The following TRIM71 variants were observed in gnomAD, a reference collection of about 807,000 sequenced individuals.
The protein encoded by TRIM71 is E3 ubiquitin-protein ligase TRIM71.
TRIM71 carries 9 observed loss-of-function variants against 61.2 expected under a neutral mutation model. That is an observed-to-expected ratio of 0.15 (90% confidence interval 0.09 to 0.26). The LOEUF is 0.26. TRIM71 is among the 10% of genes least tolerant of loss of function. The probability of loss-of-function intolerance (pLI) is 1.00; values close to 1 mark genes in which losing one functional copy is unlikely to be tolerated. For synonymous variants in TRIM71, 645 were observed against 553.2 expected (o/e 1.17, Z -2.33); for missense variants, 998 against 1,238.7 (o/e 0.81, Z 2.92).
intron 1 of TRIM71, among the ~76,000 whole-genome samples, chr3:32,859,321 G>A (rs1456424596): frequency 5.3e-5 from 8 of 152,152 alleles, no homozygotes; most frequent in Admixed American, 3.9e-4. Context: ...GTGCAGTGGC[G>A]TGATGTCGGC....
At position 32,818,004 on chromosome 3, in the gene TRIM71, C is replaced by T; in HGVS notation, c.-77C>T. On this transcript the variant is annotated 5_prime_UTR_variant, in exon 1 of 4. Transcript: ENST00000383763. ...TTTCTGAGTGAGTCGGTGACTCCCC[C>T]ACCCACCTCGTCCGCTCTCTCCTCC... The T allele has an allele frequency of 7.2e-7, 1 of 1,385,246 alleles. No homozygotes were observed. The allele number at this position is 1,385,246 out of a possible 1,614,324, so 85.8% of individuals were successfully genotyped here.
At chr3:32,852,854 C>T (rs890690359) in intron 1 of TRIM71, among the ~76,000 whole-genome samples, 2 of 151,428 alleles carry the variant, frequency 1.3e-5, no homozygotes, top group East Asian at 1.9e-4. Flanking sequence ...TTTAGGAACA[C>T]GAAGAGAATA....
chr3:32,835,927 A>T (rs1696329593), intron 1 of TRIM71, among the ~76,000 whole-genome samples: 1 of 152,206 alleles, frequency 6.6e-6, no homozygotes, highest in Non-Finnish European at 1.5e-5. Flanking sequence ...AGTCTTAAAA[A>T]ACATGTGTAG....
intron 2 of TRIM71, among the ~76,000 whole-genome samples, chr3:32,885,379 C>T (rs1297086091): frequency 6.6e-6 from 1 of 152,052 alleles, no homozygotes; most frequent in Non-Finnish European, 1.5e-5. Flanking sequence ...CCACGGGGCA[C>T]AGCTCCTTAG....
At chr3:32,834,570 A>T (rs182605712) in intron 1 of TRIM71, among the ~76,000 whole-genome samples, 3 of 152,310 alleles carry the variant, frequency 2.0e-5, no homozygotes, top group East Asian at 3.9e-4. Flanking sequence ...TGGAAAACGA[A>T]CATTTCATTT....
At chr3:32,820,581 C>T (rs1696116015) in intron 1 of TRIM71, among the ~76,000 whole-genome samples, 1 of 152,156 alleles carries the variant, frequency 6.6e-6, no homozygotes, top group Admixed American at 6.6e-5. Context: ...GCAGGGTGAG[C>T]AGAATGGGGT....
chr3:32,877,582 C>T (rs1696864250), intron 2 of TRIM71, among the ~76,000 whole-genome samples: 1 of 152,046 alleles, frequency 6.6e-6, no homozygotes, highest in Non-Finnish European at 1.5e-5. Flanking sequence ...CTCACTCAAA[C>T]TCCTGGCTTC....
At chr3:32,833,918 C>A (rs758950333) in intron 1 of TRIM71, among the ~76,000 whole-genome samples, 5 of 152,056 alleles carry the variant, frequency 3.3e-5, no homozygotes, top group East Asian at 1.9e-4. Flanking sequence ...TTTTTTAATT[C>A]TTCATTTTCC....
At chr3:32,864,845 GGTGTGTGTGTGT>G (rs10522411) in intron 1 of TRIM71, among the ~76,000 whole-genome samples, 12,908 of 146,336 alleles carry the variant, frequency 0.088, 684 homozygotes, top group East Asian at 0.2. Context: ...AAAATTAAGT[GGTGTGTGTGTGT>G]GTGTGTGTGT....
chr3:32,838,879 C>A (rs1008754209), intron 1 of TRIM71, among the ~76,000 whole-genome samples: 1 of 152,178 alleles, frequency 6.6e-6, no homozygotes, highest in African/African-American at 2.4e-5. Context: ...CAGCTCACAG[C>A]AACCTCCTCC....
chr3:32,884,993 A>T (rs1044516425), intron 2 of TRIM71, among the ~76,000 whole-genome samples: 1 of 152,120 alleles, frequency 6.6e-6, no homozygotes, highest in African/African-American at 2.4e-5. Flanking sequence ...AACCTGGGTT[A>T]CCTGACTCCA....
At chr3:32,857,056 T>G (rs1003838210) in intron 1 of TRIM71, among the ~76,000 whole-genome samples, 2 of 152,210 alleles carry the variant, frequency 1.3e-5, no homozygotes, top group East Asian at 3.9e-4. Context: ...GGCCCAAAGT[T>G]GTGTCCTGGC....
Position 32,818,563 on chromosome 3 carries a change from C to A in TRIM71, c.483C>A (p.Ser161=). Residue 161 remains serine (S), a synonymous_variant, in exon 1 of 4, where the codon TCC becomes TCA. Coordinates refer to ENST00000383763, the MANE Select transcript of TRIM71 (RefSeq NM_001039111.3). ...HHAHHAHPRA[S]ASAPPLPQAP... ...CTCACCACGCGCACCCGCGCGCGTC[C>A]GCCTCCGCGCCGCCACTCCCGCAGG... is the stretch of plus-strand genomic sequence containing the variant. 8.0e-6 allele frequency: 10 copies of A among 1,257,134 alleles called. No individual in the cohort carries two copies. Among genetic ancestry groups the A allele is most frequent in the Non-Finnish European group, 9.9e-6 (10 of 1,008,686 alleles). 77.9% of individuals were successfully genotyped at this position (1,257,134 alleles called of 1,614,324 possible). A position where few individuals can be genotyped will look rare whatever the true frequency, so the allele number is the denominator to read the frequency against.
chr3:32,828,151 A>T (rs963479923), intron 1 of TRIM71, among the ~76,000 whole-genome samples: 2 of 152,154 alleles, frequency 1.3e-5, no homozygotes, highest in Non-Finnish European at 2.9e-5. Flanking sequence ...ATATATCTCC[A>T]CATTTTGGTC....
intron 2 of TRIM71, among the ~76,000 whole-genome samples, chr3:32,877,709 T>A (rs745777287): frequency 3.9e-5 from 6 of 152,106 alleles, no homozygotes; most frequent in Non-Finnish European, 7.4e-5. Flanking sequence ...AATTTTCTCA[T>A]GAGATGGCAA....
intron 1 of TRIM71, among the ~76,000 whole-genome samples, chr3:32,833,184 TAAAAAAAAAAAA>T (rs1182178339): frequency 5.3e-4 from 29 of 54,434 alleles, no homozygotes; most frequent in East Asian, 4.3e-3. Flanking sequence ...ACTCTGTCTT[TAAAAAAAAAAAA>T]AAAAAAAAAA....
At chr3:32,889,405 G>A (rs558105516) in intron 3 of TRIM71, among the ~76,000 whole-genome samples, 3 of 152,176 alleles carry the variant, frequency 2.0e-5, no homozygotes, top group Admixed American at 6.5e-5. Context: ...AGCTTCCCGA[G>A]TAGCTGGGAT....
chr3:32,852,302 G>T (rs1335084213), intron 1 of TRIM71, among the ~76,000 whole-genome samples: 1 of 152,062 alleles, frequency 6.6e-6, no homozygotes, highest in Non-Finnish European at 1.5e-5. Context: ...GAGGGTGGGG[G>T]TTGGGAGGCA....
At chr3:32,877,661 C>T (rs1339038275) in intron 2 of TRIM71, among the ~76,000 whole-genome samples, 3 of 152,138 alleles carry the variant, frequency 2.0e-5, no homozygotes, top group Non-Finnish European at 4.4e-5. Flanking sequence ...CCCAGCCTGA[C>T]AATTTCTTAA....
Sources: gnomAD v4.1 joint callset for allele counts (sites outside exome capture counted in the v4.1 genomes callset) on GRCh38, gnomAD v4.1.1 for gene constraint, MANE v1.5 for transcripts, NCBI Gene and HGNC (gene_info 2026-07-23, HGNC 2026-07-21) for gene names.